PKHD1: variants seen among roughly 807,000 people sequenced by gnomAD.
PKHD1 encodes the protein fibrocystin.
PKHD1 carries 291 observed loss-of-function variants against 412.0 expected under a neutral mutation model. The observed-to-expected ratio is 0.71, with a 90% CI of 0.64 to 0.78. PKHD1 has a LOEUF of 0.78. PKHD1 is among the 30% of genes least tolerant of loss of function. The pLI is 0.00. For synonymous variants in PKHD1, 1,777 were observed against 1,821.5 expected (o/e 0.98, Z 0.62); for missense variants, 4,825 against 4,950.7 (o/e 0.97, Z 0.76).
At chr6:51,752,010 G>A (rs1786191291) in intron 57 of PKHD1, among the ~76,000 whole-genome samples, 1 of 152,142 alleles carries the variant, frequency 6.6e-6, no homozygotes, top group South Asian at 2.1e-4. Flanking sequence ...GTTCTGCTCT[G>A]GCTTGGTGCT....
intron 50 of PKHD1, among the ~76,000 whole-genome samples, chr6:51,847,110 C>T (rs1316133734): frequency 6.6e-6 from 1 of 152,138 alleles, no homozygotes; most frequent in African/African-American, 2.4e-5. Flanking sequence ...CAGGCATGCG[C>T]CACCACACCC....
intron 50 of PKHD1, among the ~76,000 whole-genome samples, chr6:51,846,846 C>T (rs1771249882): frequency 6.6e-6 from 1 of 152,168 alleles, no homozygotes; most frequent in Admixed American, 6.5e-5. Flanking sequence ...TCCTTCTCAC[C>T]TTCTACATAA....
chr6:51,716,792 A>G (rs939734800), intron 60 of PKHD1, among the ~76,000 whole-genome samples: 1 of 152,112 alleles, frequency 6.6e-6, no homozygotes, highest in Non-Finnish European at 1.5e-5. Flanking sequence ...TGAGATGACT[A>G]AACTGGGTTT....
At chr6:52,027,186 C>T (rs1467559687) in intron 31 of PKHD1, among the ~76,000 whole-genome samples, 1 of 152,120 alleles carries the variant, frequency 6.6e-6, no homozygotes, top group East Asian at 1.9e-4. Flanking sequence ...TTTCTCATAT[C>T]CACTCTAGAG....
chr6:52,081,561 A>G (rs1392677605), intron 4 of PKHD1, among the ~76,000 whole-genome samples: 1 of 72,162 alleles, frequency 1.4e-5, no homozygotes, highest in East Asian at 2.9e-4. Context: ...TGTGTAAATT[A>G]CAAAAAAAAA....
intron 66 of PKHD1, 27 bp downstream of exon 66, chr6:51,626,970 G>A (rs1367660145): frequency 2.5e-6 from 4 of 1,612,300 alleles, no homozygotes; most frequent in Non-Finnish European, 1.7e-6. Context: ...CTCTCCTGTG[G>A]GGATCATCTC....
intron 52 of PKHD1, among the ~76,000 whole-genome samples, chr6:51,812,181 A>G (rs1277522563): frequency 6.6e-6 from 1 of 152,170 alleles, no homozygotes; most frequent in Non-Finnish European, 1.5e-5. Context: ...GGGTTTTAAT[A>G]GCTGGTAGGT....
chr6:51,732,949 C>A lies in PKHD1; in HGVS notation c.10156+11436G>T, dbSNP rs983947521. On this transcript the variant is annotated intron_variant, in intron 60 of 66. Coordinates refer to ENST00000371117, the MANE Select transcript of PKHD1 (RefSeq NM_138694.4). ...TAAGTTCATGCAATGGAATGAAATTCCATAATATGCTACAACATGGATGAA... is the reference window on the plus strand; with the variant it reads ...TAAGTTCATGCAATGGAATGAAATTACATAATATGCTACAACATGGATGAA... Among the ~76,000 whole-genome samples the A allele has an allele frequency of 2.0e-5, 3 of 152,030 alleles. No homozygotes were observed. The South Asian group carries it at 6.2e-4, about 32-fold the overall frequency.
At chr6:51,839,425 C>T (rs1438516236) in intron 50 of PKHD1, among the ~76,000 whole-genome samples, 1 of 152,064 alleles carries the variant, frequency 6.6e-6, no homozygotes, top group African/African-American at 2.4e-5. Flanking sequence ...GTCTTTGGGC[C>T]AATTATTGCC....
At chr6:52,060,362 G>GATCCAGTATTTACTA (rs1808495150) in intron 14 of PKHD1, among the ~76,000 whole-genome samples, 2 of 152,150 alleles carry the variant, frequency 1.3e-5, no homozygotes, top group Non-Finnish European at 2.9e-5. Flanking sequence ...CTGGATCATG[G>GATCCAGTATTTACTA]TAGAAGCTCA....
chr6:52,064,905 A>G (rs1365477877), intron 13 of PKHD1, 50 bp downstream of exon 13: 1 of 842,114 alleles, frequency 1.2e-6, no homozygotes, highest in South Asian at 1.4e-5. Context: ...CCAGCCCATC[A>G]TGATTAAAGA....
At chr6:51,748,689 G>T (rs780666139) in intron 57 of PKHD1, 24 bp from the exon 58 acceptor site, 324 of 1,610,250 alleles carry the variant, frequency 2.0e-4, no homozygotes, top group Non-Finnish European at 2.7e-4. Context: ...CATGTCATCA[G>T]GTACTTTCCT....
intron 60 of PKHD1, among the ~76,000 whole-genome samples, chr6:51,733,205 T>G (rs531133738): frequency 6.6e-6 from 1 of 152,178 alleles, no homozygotes. Context: ...GGTTGCACAA[T>G]ACTATGAATG....
intron 52 of PKHD1, among the ~76,000 whole-genome samples, chr6:51,801,640 T>TGTGTGTGTGTGTGTGTGTGTGTGA (rs1491390344): frequency 2.3e-5 from 1 of 42,956 alleles, no homozygotes; most frequent in Non-Finnish European, 5.1e-5. Context: ...CTGGCCTGAT[T>TGTGTGTGTGTGTGTGTGTGTGTGA]GTGTGTGTGT....
At chr6:51,776,005 T>C in intron 53 of PKHD1, 84 bp from the exon 54 acceptor site, 4 of 736,790 alleles carry the variant, frequency 5.4e-6, no homozygotes, top group Non-Finnish European at 9.9e-6. Flanking sequence ...ATTTCAATAA[T>C]GCAATGTAGA....
chr6:51,697,469 G>A (rs777976247), intron 60 of PKHD1, among the ~76,000 whole-genome samples: 3 of 152,128 alleles, frequency 2.0e-5, no homozygotes, highest in South Asian at 2.1e-4. Flanking sequence ...TCAGAATGGG[G>A]GCTGTCAACC....
chr6:51,676,269 A>AC (rs1775841521), intron 60 of PKHD1, among the ~76,000 whole-genome samples: 1 of 149,578 alleles, frequency 6.7e-6, no homozygotes, highest in Non-Finnish European at 1.5e-5. Context: ...AAAAACTTCT[A>AC]TTCTTTATTT....
chr6:51,856,600 T>C (rs754948003), intron 48 of PKHD1, among the ~76,000 whole-genome samples: 14 of 152,218 alleles, frequency 9.2e-5, no homozygotes, highest in Non-Finnish European at 2.1e-4. Context: ...GCCTGGGACC[T>C]GACATGCCTA....
intron 8 of PKHD1, 119 bp downstream of exon 8, chr6:52,071,996 A>G (rs986489039): frequency 1.6e-5 from 12 of 731,258 alleles, no homozygotes; most frequent in African/African-American, 3.5e-5. Context: ...TGTGTGATTT[A>G]TATTTTAAAA....
Sources: allele counts gnomAD v4.1 joint callset (sites outside exome capture counted in the v4.1 genomes callset), GRCh38; gene constraint gnomAD v4.1.1; transcripts MANE v1.5; gene names NCBI Gene and HGNC (gene_info 2026-07-23, HGNC 2026-07-21).